CDC45: variants seen among roughly 807,000 people sequenced by gnomAD.
The protein encoded by CDC45 is cell division cycle 45, also known as cell division control protein 45 homolog.
Under a neutral mutation model 77.8 loss-of-function variants are expected in CDC45, and 54 were observed. The ratio of observed to expected loss-of-function variants is 0.69; its 90% confidence interval spans 0.56 to 0.87. The LOEUF (loss-of-function observed/expected upper bound fraction) is 0.87. Ranked by LOEUF, CDC45 falls within the 40% of genes least tolerant of loss-of-function variation. The pLI, the probability that CDC45 is intolerant of heterozygous loss-of-function variation, is 0.00. For synonymous variants in CDC45, 260 were observed against 272.1 expected, an observed-to-expected ratio of 0.96 and a Z score of 0.44; for missense variants, 649 against 721.6, an observed-to-expected ratio of 0.90 and a Z score of 1.15.
intron 12 of CDC45, among the ~76,000 whole-genome samples, chr22:19,508,084 C>T (rs1393605207): frequency 2.0e-5 from 3 of 152,118 alleles, no homozygotes; most frequent in Non-Finnish European, 4.4e-5. Flanking sequence ...AAGACTTCTT[C>T]AAGCTTGTGA....
At chr22:19,512,730 A>G in intron 13 of CDC45, among the ~76,000 whole-genome samples, 1 of 152,126 alleles carries the variant, frequency 6.6e-6, no homozygotes, top group African/African-American at 2.4e-5. Context: ...GTCTTCTTTC[A>G]TCACTAGTAT....
rs1030859599 is a variant in CDC45 at position 19,514,588 on chromosome 22, C to A, written c.1218-161C>A. 3.9e-5 allele frequency among the ~76,000 whole-genome samples: 6 copies of A among 152,316 alleles called. No individual in the cohort carries two copies. The South Asian group carries it at 6.2e-4, about 16-fold the overall frequency. On this transcript the variant is annotated intron_variant, in intron 13 of 18. Coordinates refer to ENST00000263201, the MANE Select transcript of CDC45 (RefSeq NM_003504.5). ...GTGGGTTTATACATTTTAAAAAATTCTTTCCTTTCATGTGAAAGACAACTC... is the reference window on the plus strand; with the variant it reads ...GTGGGTTTATACATTTTAAAAAATTATTTCCTTTCATGTGAAAGACAACTC...
chr22:19,515,913 T>C (rs1364618397), intron 15 of CDC45, among the ~76,000 whole-genome samples: 1 of 152,084 alleles, frequency 6.6e-6, no homozygotes, highest in Non-Finnish European at 1.5e-5. Flanking sequence ...TGTTGTGGAG[T>C]GACTGCCCAT....
At chr22:19,503,606 A>G (rs1366682382) in intron 9 of CDC45, among the ~76,000 whole-genome samples, 1 of 152,196 alleles carries the variant, frequency 6.6e-6, no homozygotes, top group Non-Finnish European at 1.5e-5. Flanking sequence ...ATAAACCTAC[A>G]TAACAAGACA....
intron 5 of CDC45, among the ~76,000 whole-genome samples, chr22:19,488,832 A>G (rs7285663): frequency 0.093 from 14,164 of 152,132 alleles, 2,184 homozygotes; most frequent in African/African-American, 0.32. Flanking sequence ...ATAATTACAG[A>G]TTCACATGTA....
chr22:19,480,891 C>A, intron 2 of CDC45, 62 bp from the exon 3 acceptor site: 1 of 1,063,584 alleles, frequency 9.4e-7, no homozygotes, highest in Non-Finnish European at 1.4e-6. Context: ...TCCTCAGTTT[C>A]TTTTCAAGGT....
rs766725460 is a variant in CDC45, at chr22:19,499,112, T to C, written c.665T>C (p.Val222Ala). 2 of 1,614,164 alleles carry C rather than the reference T, an allele frequency of 1.2e-6. No individual in the cohort carries two copies. The highest frequency in any genetic ancestry group is 2.2e-5 in the South Asian group (2 of 91,088). The change falls in exon 9 of 19, where the codon GTT becomes GCT. Residue 222 changes from valine to alanine, a missense_variant. Physicochemically the swap from Val to Ala is moderately conservative, Grantham distance 64 (BLOSUM62 0). Transcript: ENST00000263201. ...TTCTCTTCTTCCAGGTGGGCCATCG[T>C]TGGACTAACAGACCAGTGGGTGCAA... ...DLNDMLWWAI[V>A]GLTDQWVQDK...
chr22:19,516,477 T>G, intron 15 of CDC45, 50 bp from the exon 16 acceptor site: 104 of 1,457,082 alleles, frequency 7.1e-5, no homozygotes, highest in Non-Finnish European at 9.5e-5. Context: ...CTCTGAGTGT[T>G]GAGCTGGGGC....
In CDC45 at chr22:19,497,394, G is replaced by A. The variant is rs1453003336; in HGVS notation, c.600G>A (p.Met200Ile). 1.2e-6 allele frequency: 2 copies of A among 1,614,082 alleles called. No individual in the cohort carries two copies. Among genetic ancestry groups the A allele is most frequent in the Non-Finnish European group, 1.7e-6 (2 of 1,179,966 alleles). Residue 200 changes from methionine to isoleucine, a missense_variant, in exon 8 of 19, where the codon ATG becomes ATA. Met to Ile is a conservative substitution (Grantham distance 10). Coordinates refer to ENST00000263201, the MANE Select transcript of CDC45 (RefSeq NM_003504.5). ...TCTCTGCTTCCTTACAGTCAGCCAT[G>A]GTGATGTTTGAGCTGGCTTGGATGC... ...QYEYHGTSSA[M>I]VMFELAWMLS...
chr22:19,516,473 G>T (rs1205065907), intron 15 of CDC45, 54 bp from the exon 16 acceptor site: 1 of 1,424,614 alleles, frequency 7.0e-7, no homozygotes, highest in East Asian at 2.3e-5. Flanking sequence ...TGGGCTCTGA[G>T]TGTTGAGCTG....
upstream of CDC45, chr22:19,479,753 T>C: frequency 1.5e-6 from 1 of 651,286 alleles, no homozygotes; most frequent in South Asian, 1.7e-5. Flanking sequence ...TGACGCTTCT[T>C]TGGGGGCGGG....
intron 2 of CDC45, 33 bp downstream of exon 2, chr22:19,480,250 G>A (rs566798249): frequency 1.2e-6 from 2 of 1,600,698 alleles, no homozygotes; most frequent in Non-Finnish European, 1.7e-6. Context: ...GGGCGGGGCC[G>A]GCGCGCGAGG....
chr22:19,513,087 C>T (rs563991388), intron 13 of CDC45, among the ~76,000 whole-genome samples: 1 of 152,340 alleles, frequency 6.6e-6, no homozygotes, highest in South Asian at 2.1e-4. Flanking sequence ...TTCATCTATT[C>T]ATGAGGGGTC....
At chr22:19,488,721 T>G (rs1212059472) in intron 5 of CDC45, among the ~76,000 whole-genome samples, 4 of 152,198 alleles carry the variant, frequency 2.6e-5, no homozygotes, top group Non-Finnish European at 5.9e-5. Context: ...TGTATAAAGA[T>G]GCAACCACCA....
Position 19,508,507 on chromosome 22 carries a change from AGCTGT to A in CDC45, c.1056-21_1056-17del, listed in dbSNP as rs1434816414. On this transcript the variant is annotated intron_variant, in intron 12 of 18. Transcript: ENST00000263201. ...AGCTTGCCCACAATTTGAGGGTGAC[AGCTGT>A]GTTTGCTCCCATGACAGGATGAAGG... is the stretch of plus-strand genomic sequence containing the variant. The A allele has an allele frequency of 2.5e-6, 4 of 1,613,958 alleles. No homozygotes were observed. In the Admixed American group the frequency reaches 6.7e-5, roughly 27 times the overall value.
chr22:19,499,606 G>T (rs770811819), intron 9 of CDC45, among the ~76,000 whole-genome samples: 3 of 152,176 alleles, frequency 2.0e-5, no homozygotes, highest in Non-Finnish European at 4.4e-5. Context: ...AAAGGTAAGG[G>T]GTCTGGTGTG....
rs2089946102 is a variant in CDC45 at position 19,479,953 on chromosome 22, T to C, written c.-16T>C. The C allele has an allele frequency of 1.9e-6, 3 of 1,612,440 alleles. No individual in the cohort carries two copies. The highest frequency in any genetic ancestry group is 3.3e-5 in the Admixed American group (2 of 60,000). ...GGTACCTCAGCGCGAGCGCCAGGCG[T>C]CCGGCCGCCGTGGCTATGTTCGTGT... On this transcript the variant is annotated 5_prime_UTR_variant, in exon 1 of 19. Transcript: ENST00000263201.
At chr22:19,500,534 C>T (rs778308364) in intron 9 of CDC45, among the ~76,000 whole-genome samples, 27 of 152,236 alleles carry the variant, frequency 1.8e-4, no homozygotes, top group South Asian at 4.2e-4. Context: ...TTAGGAAATG[C>T]CGTTTTCCCT....
chr22:19,518,709 T>G (rs1216926819), intron 17 of CDC45, 135 bp from the exon 18 acceptor site: 1 of 712,166 alleles, frequency 1.4e-6, no homozygotes, highest in Admixed American at 2.0e-5. Context: ...AACCACTGAG[T>G]GCAGAATACC....
Sources: allele counts gnomAD v4.1 joint callset (sites outside exome capture counted in the v4.1 genomes callset), GRCh38; gene constraint gnomAD v4.1.1; transcripts MANE v1.5; gene names NCBI Gene and HGNC (gene_info 2026-07-23, HGNC 2026-07-21).